The following OSBP2 variants were observed in gnomAD, a reference collection of about 807,000 sequenced individuals.
The protein encoded by OSBP2 is oxysterol binding protein 2.
Under a neutral mutation model 96.0 loss-of-function variants are expected in OSBP2, and 66 were observed. The ratio of observed to expected loss-of-function variants is 0.69; its 90% CI spans 0.56 to 0.84. The LOEUF is 0.84. Among genes scored for constraint, OSBP2 ranks in the 40% least tolerant of loss-of-function variants. The pLI, the probability that OSBP2 is intolerant of heterozygous loss-of-function variation, is 0.00. For missense variants in OSBP2, 1,038 were observed against 1,222.7 expected (o/e 0.85, Z 2.25); for synonymous variants, 525 against 520.9 (o/e 1.01, Z -0.11).
intron 2 of OSBP2, among the ~76,000 whole-genome samples, chr22:30,821,385 C>T (rs1473984820): frequency 6.6e-6 from 1 of 152,180 alleles, no homozygotes; most frequent in Non-Finnish European, 1.5e-5. Flanking sequence ...CCAGAAACAA[C>T]ATGCAGGTGG....
intron 2 of OSBP2, among the ~76,000 whole-genome samples, chr22:30,859,472 C>T (rs1372224271): frequency 6.6e-6 from 1 of 152,250 alleles, no homozygotes; most frequent in Admixed American, 6.5e-5. Context: ...ACCAGGTCTG[C>T]TGGTGCCTGG....
chr22:30,784,822 G>GAC (rs1468908226), intron 2 of OSBP2, among the ~76,000 whole-genome samples: 1 of 150,242 alleles, frequency 6.7e-6, no homozygotes, highest in African/African-American at 2.5e-5. Context: ...GCCCAGGCTG[G>GAC]AGTGCTGTGG....
At chr22:30,850,514 T>A (rs1442108469) in intron 2 of OSBP2, among the ~76,000 whole-genome samples, 1 of 152,114 alleles carries the variant, frequency 6.6e-6, no homozygotes, top group Non-Finnish European at 1.5e-5. Flanking sequence ...ATCCTTTGAT[T>A]TTTGAGACAG....
intron 2 of OSBP2, among the ~76,000 whole-genome samples, chr22:30,751,702 A>G (rs925419355): frequency 6.6e-6 from 1 of 152,026 alleles, no homozygotes; most frequent in Non-Finnish European, 1.5e-5. Context: ...GACACCCAGC[A>G]CTCATAAATC....
At chr22:30,819,891 A>G (rs539385155) in intron 2 of OSBP2, among the ~76,000 whole-genome samples, 59 of 152,280 alleles carry the variant, frequency 3.9e-4, no homozygotes, top group African/African-American at 1.3e-3. Context: ...GGCATGTGGC[A>G]CTCAGCTCCT....
At chr22:30,694,628 CT>C (rs72436834), upstream of OSBP2, among the ~76,000 whole-genome samples, 151,516 of 151,534 alleles carry the variant, frequency 1, 75,749 homozygotes, top group Middle Eastern at 1. Flanking sequence ...GCGCCATCCC[CT>C]TCGGAGTTGA....
At chr22:30,739,419 G>A (rs1403997753) in intron 1 of OSBP2, among the ~76,000 whole-genome samples, 1 of 152,196 alleles carries the variant, frequency 6.6e-6, no homozygotes, top group Non-Finnish European at 1.5e-5. Flanking sequence ...CTCAGGCTCT[G>A]GGCCTCCAAT....
chr22:30,880,924 C>A (rs1189829154), intron 3 of OSBP2, among the ~76,000 whole-genome samples: 1 of 152,158 alleles, frequency 6.6e-6, no homozygotes, highest in Non-Finnish European at 1.5e-5. Context: ...GGGTGGGCAG[C>A]CCTTACAGCC....
chr22:30,897,659 C>T (rs1296787950), intron 12 of OSBP2, among the ~76,000 whole-genome samples: 2 of 152,006 alleles, frequency 1.3e-5, no homozygotes, highest in African/African-American at 2.4e-5. Flanking sequence ...GATATTTGGC[C>T]GGGATGGTGA....
chr22:30,846,104 C>G (rs1262196771), intron 2 of OSBP2, among the ~76,000 whole-genome samples: 1 of 151,964 alleles, frequency 6.6e-6, no homozygotes, highest in Non-Finnish European at 1.5e-5. Flanking sequence ...GACTGCCCAA[C>G]TGTTTTCTAA....
intron 1 of OSBP2, among the ~76,000 whole-genome samples, chr22:30,723,296 G>C (rs1051942864): frequency 3.3e-5 from 5 of 151,622 alleles, no homozygotes; most frequent in African/African-American, 1.2e-4. Flanking sequence ...TAGTAGAGAC[G>C]GGGTTTCACC....
At chr22:30,819,483 G>A (rs2091121805) in intron 2 of OSBP2, among the ~76,000 whole-genome samples, 1 of 152,236 alleles carries the variant, frequency 6.6e-6, no homozygotes. Flanking sequence ...CTTAGGCTCA[G>A]TCTCTTCGGC....
intron 2 of OSBP2, among the ~76,000 whole-genome samples, chr22:30,855,905 G>A (rs189086400): frequency 1.5e-4 from 23 of 152,322 alleles, no homozygotes; most frequent in Non-Finnish European, 2.8e-4. Context: ...TTCAGCCATC[G>A]TCACAGACTG....
intron 1 of OSBP2, among the ~76,000 whole-genome samples, chr22:30,738,583 G>A (rs942740371): frequency 1.3e-5 from 2 of 151,276 alleles, no homozygotes; most frequent in African/African-American, 2.4e-5. Flanking sequence ...TCTTTGAGAC[G>A]GAGTTTCGCT....
chr22:30,868,655 C>G (rs2039396886), intron 2 of OSBP2, among the ~76,000 whole-genome samples: 1 of 152,200 alleles, frequency 6.6e-6, no homozygotes, highest in Non-Finnish European at 1.5e-5. Flanking sequence ...CATTTGGGGG[C>G]TGCAGTTGTG....
chr22:30,852,817 C>A (rs572953327), intron 2 of OSBP2, among the ~76,000 whole-genome samples: 1 of 152,082 alleles, frequency 6.6e-6, no homozygotes, highest in Admixed American at 6.5e-5. Flanking sequence ...CCACACATTT[C>A]GATATGTTGT....
chr22:30,728,656 C>A (rs2089694082), intron 1 of OSBP2, among the ~76,000 whole-genome samples: 1 of 152,056 alleles, frequency 6.6e-6, no homozygotes, highest in African/African-American at 2.4e-5. Context: ...GTCAACATGC[C>A]TGGCTAACTT....
At chr22:30,710,997 G>A (rs2089337270) in intron 1 of OSBP2, among the ~76,000 whole-genome samples, 1 of 152,210 alleles carries the variant, frequency 6.6e-6, no homozygotes, top group African/African-American at 2.4e-5. Context: ...CGCCTGCCTC[G>A]GCCTCCCAAA....
chr22:30,844,556 T>C (rs555442531), intron 2 of OSBP2: 4 of 155,444 alleles, frequency 2.6e-5, no homozygotes, highest in Non-Finnish European at 4.3e-5. Flanking sequence ...TTCTGCAGTT[T>C]CCTCACCTCT....
Sources: allele counts gnomAD v4.1 joint callset (sites outside exome capture counted in the v4.1 genomes callset), GRCh38; gene constraint gnomAD v4.1.1; transcripts MANE v1.5; gene names NCBI Gene and HGNC (gene_info 2026-07-23, HGNC 2026-07-21).